The following DCAF7 variants were observed in gnomAD, a reference collection of about 807,000 sequenced individuals.
The protein encoded by DCAF7 is DDB1- and CUL4-associated factor 7.
A neutral mutation model predicts 41.2 loss-of-function variants in DCAF7; 4 were observed. The ratio of observed to expected loss-of-function variants is 0.10; its 90% CI spans 0.05 to 0.22. DCAF7 has a LOEUF of 0.22. Ranked by LOEUF, DCAF7 falls within the 10% of genes least tolerant of loss-of-function variation. The pLI is 1.00. For synonymous variants in DCAF7, 143 were observed against 164.2 expected, an observed-to-expected ratio of 0.87 and a Z score of 0.99; for missense variants, 131 against 443.2, an observed-to-expected ratio of 0.30 and a Z score of 6.32.
chr17:63,551,931 A>AAAAAAAAAAAAAAAAG (rs1568095488), intron 1 of DCAF7, among the ~76,000 whole-genome samples: 1 of 118,954 alleles, frequency 8.4e-6, no homozygotes, highest in Non-Finnish European at 1.7e-5. Flanking sequence ...AAAAAAAAAA[A>AAAAAAAAAAAAAAAAG]GCCGGGCGTA....
At position 63,563,017 on chromosome 17, in the gene DCAF7, G is replaced by A. The variant is rs149211470; in HGVS notation, c.138+12202G>A. Among the ~76,000 whole-genome samples, 293 of 151,950 alleles carry A rather than the reference G, an allele frequency of 1.9e-3. 1 individual carries two copies. Among genetic ancestry groups the A allele is most frequent in the African/African-American group, 7.0e-3 (289 of 41,452 alleles). ...TTATTTTTATTTTTTGTAGAGATGGGATCTCGCCATATTGCCCAGGCTGGT... is the reference window on the plus strand; with the variant it reads ...TTATTTTTATTTTTTGTAGAGATGGAATCTCGCCATATTGCCCAGGCTGGT... On this transcript the variant is annotated intron_variant, in intron 1 of 6. Coordinates refer to ENST00000614556, the MANE Select transcript of DCAF7 (RefSeq NM_005828.5).
chr17:63,560,314 G>C (rs1197846316), intron 1 of DCAF7, among the ~76,000 whole-genome samples: 1 of 152,014 alleles, frequency 6.6e-6, no homozygotes, highest in Non-Finnish European at 1.5e-5. Flanking sequence ...TCATCCTACA[G>C]CTATACTCAT....
chr17:63,576,843 G>A (rs1388585332), intron 1 of DCAF7, among the ~76,000 whole-genome samples: 1 of 152,218 alleles, frequency 6.6e-6, no homozygotes, highest in Non-Finnish European at 1.5e-5. Flanking sequence ...AAGCCCAGGA[G>A]GTTGAGCCTG....
At position 63,585,231 on chromosome 17, in the gene DCAF7, G is replaced by C. The variant is rs755691700; in HGVS notation, c.759G>C (p.Arg253=). ...CGCAGGTGGTGATTCTAGATGTCCG[G>C]GTTCCCTGCACACCTGTCGCCAGGT... ...DGMEVVILDV[R]VPCTPVARLN... The change falls in exon 6 of 7, where the codon CGG becomes CGC. Residue 253 remains arginine, a synonymous_variant. Coordinates refer to ENST00000614556, the MANE Select transcript of DCAF7 (RefSeq NM_005828.5). 6.2e-7 allele frequency: 1 copy of C among 1,613,868 alleles called. No homozygotes were observed. Among genetic ancestry groups the C allele is most frequent in the South Asian group, 1.1e-5 (1 of 91,080 alleles).
At chr17:63,584,834 A>G (rs2033660771) in intron 5 of DCAF7, among the ~76,000 whole-genome samples, 1 of 151,936 alleles carries the variant, frequency 6.6e-6, no homozygotes, top group South Asian at 2.1e-4. Context: ...GGGTGGGGAG[A>G]ATGCATTGGT....
chr17:63,554,713 G>A lies in DCAF7; in HGVS notation c.138+3898G>A, dbSNP rs193099808. On this transcript the variant is annotated intron_variant, in intron 1 of 6. Coordinates refer to ENST00000614556, the MANE Select transcript of DCAF7 (RefSeq NM_005828.5). The stretch of plus-strand genomic sequence containing the variant: ...TGAGTTAATATATGTAATGGACTTA[G>A]GAACGCCACCCGGTGTGGAATAAGC... Among the ~76,000 whole-genome samples the A allele has an allele frequency of 7.0e-4, 106 of 152,324 alleles. 1 individual carries two copies. Among genetic ancestry groups the A allele is most frequent in the Non-Finnish European group, 9.6e-4 (65 of 68,026 alleles).
In DCAF7 at chr17:63,579,454, G is replaced by T; in HGVS notation, c.409+6G>T. 1 of 1,580,562 alleles carries T rather than the reference G, an allele frequency of 6.3e-7. No homozygotes were observed. ...GGTGGATCCTTATCTTTTAGGTAAG[G>T]GAGTTAGGGAGTATGTATTTCAGCT... On this transcript the variant is annotated splice_donor_region_variant and intron_variant, in intron 3 of 6. Transcript: ENST00000614556.
chr17:63,558,679 C>T (rs968926763), intron 1 of DCAF7, among the ~76,000 whole-genome samples: 17 of 152,214 alleles, frequency 1.1e-4, no homozygotes, highest in African/African-American at 3.9e-4. Flanking sequence ...TGGTCTTGAG[C>T]TCCTGACCTC....
chr17:63,577,722 A>C (rs760773691), intron 1 of DCAF7, among the ~76,000 whole-genome samples: 1 of 152,156 alleles, frequency 6.6e-6, no homozygotes, highest in Non-Finnish European at 1.5e-5. Context: ...AGTTTGTTTA[A>C]TGAAATTGCA....
intron 1 of DCAF7, among the ~76,000 whole-genome samples, chr17:63,556,205 G>T (rs1396697676): frequency 6.6e-6 from 1 of 152,184 alleles, no homozygotes; most frequent in Admixed American, 6.6e-5. Context: ...GATAACTTGG[G>T]AGCTTATTTT....
chr17:63,582,502 G>A (rs1289882830), intron 4 of DCAF7, among the ~76,000 whole-genome samples: 2 of 146,654 alleles, frequency 1.4e-5, no homozygotes, highest in Admixed American at 6.9e-5. Flanking sequence ...ACAGAGTTTC[G>A]CTCTGTCCCA....
intron 1 of DCAF7, among the ~76,000 whole-genome samples, chr17:63,569,906 T>A (rs2033486600): frequency 6.6e-6 from 1 of 152,086 alleles, no homozygotes; most frequent in African/African-American, 2.4e-5. Context: ...AGAGACGGGC[T>A]TTCGCCATGT....
intron 1 of DCAF7, among the ~76,000 whole-genome samples, chr17:63,559,067 T>C (rs947553783): frequency 4.6e-5 from 7 of 151,758 alleles, no homozygotes; most frequent in Admixed American, 2.0e-4. Context: ...ATTCCAGCAC[T>C]TTGGGAGGCG....
At chr17:63,577,030 A>T (rs1457578391) in intron 1 of DCAF7, among the ~76,000 whole-genome samples, 1 of 152,250 alleles carries the variant, frequency 6.6e-6, no homozygotes, top group Non-Finnish European at 1.5e-5. Context: ...CAGTGTACTG[A>T]TGAAAGTAGC....
intron 1 of DCAF7, among the ~76,000 whole-genome samples, chr17:63,557,650 A>G (rs1598025367): frequency 6.6e-6 from 1 of 152,382 alleles, no homozygotes; most frequent in East Asian, 1.9e-4. Context: ...ATCTGACGTA[A>G]GTATAATTGG....
intron 1 of DCAF7, among the ~76,000 whole-genome samples, chr17:63,551,249 C>T (rs1338912284): frequency 6.6e-6 from 1 of 151,956 alleles, no homozygotes; most frequent in African/African-American, 2.4e-5. Context: ...GCACTCCTGG[C>T]CACACTAGAT....
At chr17:63,580,851 A>G (rs2033615543) in intron 4 of DCAF7, among the ~76,000 whole-genome samples, 1 of 152,108 alleles carries the variant, frequency 6.6e-6, no homozygotes, top group African/African-American at 2.4e-5. Flanking sequence ...CATTCTTCTC[A>G]GTGATTTTGG....
intron 4 of DCAF7, among the ~76,000 whole-genome samples, chr17:63,582,764 C>A (rs191598075): frequency 6.6e-6 from 1 of 152,306 alleles, no homozygotes; most frequent in East Asian, 1.9e-4. Flanking sequence ...CCGCACCCGG[C>A]CTTCGTCCTT....
chr17:63,562,629 C>T (rs2033395433), intron 1 of DCAF7, among the ~76,000 whole-genome samples: 1 of 151,096 alleles, frequency 6.6e-6, no homozygotes, highest in South Asian at 2.1e-4. Flanking sequence ...TGCTGGTGCG[C>T]TGCACCCACT....
Sources: gnomAD v4.1 joint callset for allele counts (sites outside exome capture counted in the v4.1 genomes callset) on GRCh38, gnomAD v4.1.1 for gene constraint, MANE v1.5 for transcripts, NCBI Gene and HGNC (gene_info 2026-07-23, HGNC 2026-07-21) for gene names.